The following WDR41 variants were observed in gnomAD, a reference collection of about 807,000 sequenced individuals.
The protein encoded by WDR41 is WD repeat domain 41, also known as WD repeat-containing protein 41.
In WDR41, 63 loss-of-function variants were observed where a neutral mutation model predicts 69.3. The ratio of observed to expected loss-of-function variants is 0.91; its 90% CI spans 0.74 to 1.12. WDR41 has a LOEUF of 1.12. Among genes scored for constraint, WDR41 ranks in the 50% most tolerant of loss-of-function variants. The pLI is 0.00. For missense variants in WDR41, 543 were observed against 534.5 expected, an observed-to-expected ratio of 1.02 and a Z score of -0.16; for synonymous variants, 185 against 192.1, an observed-to-expected ratio of 0.96 and a Z score of 0.31.
intron 2 of WDR41, among the ~76,000 whole-genome samples, chr5:77,482,508 C>A (rs1386367227): frequency 6.6e-6 from 1 of 151,634 alleles, no homozygotes; most frequent in East Asian, 1.9e-4. Flanking sequence ...GTCGAGTTCT[C>A]ACAGTCTGGG....
chr5:77,550,001 T>G (rs1743267856), intron 1 of WDR41, among the ~76,000 whole-genome samples: 1 of 152,042 alleles, frequency 6.6e-6, no homozygotes, highest in Admixed American at 6.6e-5. Flanking sequence ...GATAAAGGAC[T>G]GTATTCAGCA....
intron 4 of WDR41, among the ~76,000 whole-genome samples, chr5:77,461,472 T>C (rs919238727): frequency 2.6e-5 from 4 of 152,222 alleles, no homozygotes; most frequent in East Asian, 3.8e-4. Context: ...ACCTATACTT[T>C]TGGGCTTACT....
chr5:77,483,122 T>C (rs1467626194), intron 2 of WDR41, among the ~76,000 whole-genome samples: 1 of 152,148 alleles, frequency 6.6e-6, no homozygotes. Flanking sequence ...TCTGCTAAGA[T>C]GCTATATAAG....
chr5:77,559,074 T>C (rs1321514789), intron 1 of WDR41, among the ~76,000 whole-genome samples: 4 of 152,168 alleles, frequency 2.6e-5, no homozygotes, highest in African/African-American at 9.7e-5. Flanking sequence ...AACAGACACA[T>C]GTATTGAGTT....
intron 2 of WDR41, among the ~76,000 whole-genome samples, chr5:77,482,850 C>T (rs1581756474): frequency 6.7e-6 from 1 of 148,494 alleles, no homozygotes; most frequent in South Asian, 2.1e-4. Context: ...GTCCTCCCCA[C>T]ATCTACCTGA....
chr5:77,479,576 G>T (rs57631809), intron 2 of WDR41, among the ~76,000 whole-genome samples: 1 of 152,070 alleles, frequency 6.6e-6, no homozygotes, highest in Non-Finnish European at 1.5e-5. Context: ...ATGGGGAAAC[G>T]ATTCCCTATT....
At chr5:77,578,812 C>G (rs1743881018) in intron 1 of WDR41, among the ~76,000 whole-genome samples, 1 of 133,300 alleles carries the variant, frequency 7.5e-6, no homozygotes, top group African/African-American at 2.8e-5. Context: ...TGCAGTAAGC[C>G]AAGATCGCAC....
At chr5:77,582,388 G>A (rs548192366) in intron 1 of WDR41, 2 of 1,610,400 alleles carry the variant, frequency 1.2e-6, no homozygotes, top group East Asian at 2.2e-5. Flanking sequence ...GGAGGGTGTA[G>A]AAGAGAAGAA....
At chr5:77,521,347 A>G (rs1027120948) in intron 1 of WDR41, among the ~76,000 whole-genome samples, 6 of 152,348 alleles carry the variant, frequency 3.9e-5, no homozygotes, top group Non-Finnish European at 7.4e-5. Flanking sequence ...CTCAGGCAGT[A>G]ATGCCGGCTC....
intron 1 of WDR41, among the ~76,000 whole-genome samples, chr5:77,568,328 G>A (rs1022760668): frequency 1.3e-5 from 2 of 152,180 alleles, no homozygotes; most frequent in Non-Finnish European, 2.9e-5. Context: ...TTCAAGAACA[G>A]TTCCCCTTTG....
chr5:77,469,635 A>C (rs1277944223), intron 2 of WDR41, among the ~76,000 whole-genome samples: 3 of 152,188 alleles, frequency 2.0e-5, no homozygotes, highest in Admixed American at 2.0e-4. Flanking sequence ...TGAAGTCATT[A>C]TTACATTTAC....
At chr5:77,452,044 CATT>C (rs1417102359) in intron 6 of WDR41, 1 of 148,846 alleles carries the variant, frequency 6.7e-6, no homozygotes, top group Non-Finnish European at 1.5e-5. Flanking sequence ...TTAATTTTTC[CATT>C]ATGATATATA....
In WDR41 at chr5:77,489,552, T is replaced by C; in HGVS notation, c.72A>G (p.Ile24Met). 1 of 1,594,194 alleles carries C rather than the reference T, an allele frequency of 6.3e-7. No homozygotes were observed. Among genetic ancestry groups the C allele is most frequent in the Non-Finnish European group, 8.5e-7 (1 of 1,172,826 alleles). The change falls in exon 2 of 13, where the codon ATA becomes ATG. Residue 24 changes from isoleucine (I) to methionine (M), a missense_variant. Ile to Met is a conservative substitution (Grantham distance 10). Transcript: ENST00000296679. ...GLAEKSPLQT[I>M]GEEQTQNPYT... is the part of the protein sequence containing the mutation. ...AGGGATTCTGGGTTTGTTCTTCACC[T>C]ATTGTCTGTAAAGGAGATTTCTTGT...
At chr5:77,559,678 T>C (rs1423549575) in intron 1 of WDR41, among the ~76,000 whole-genome samples, 1 of 151,686 alleles carries the variant, frequency 6.6e-6, no homozygotes, top group African/African-American at 2.4e-5. Flanking sequence ...TAAAACTTTA[T>C]ATATAATGTT....
At chr5:77,567,922 A>G (rs550650215) in intron 1 of WDR41, among the ~76,000 whole-genome samples, 17 of 152,012 alleles carry the variant, frequency 1.1e-4, no homozygotes, top group African/African-American at 4.1e-4. Context: ...CACATGTTGA[A>G]AATCAGTGCC....
chr5:77,566,925 C>T (rs1743643717), intron 1 of WDR41, among the ~76,000 whole-genome samples: 1 of 152,112 alleles, frequency 6.6e-6, no homozygotes, highest in South Asian at 2.1e-4. Context: ...TGGAATGAGA[C>T]ACTTCTATCA....
chr5:77,544,114 T>C (rs1253616261), intron 1 of WDR41, among the ~76,000 whole-genome samples: 1 of 152,072 alleles, frequency 6.6e-6, no homozygotes, highest in East Asian at 1.9e-4. Context: ...AATTTGCCAC[T>C]ACCAGGCCAC....
chr5:77,510,336 A>G (rs749141880), intron 1 of WDR41, among the ~76,000 whole-genome samples: 3 of 152,194 alleles, frequency 2.0e-5, no homozygotes, highest in Non-Finnish European at 4.4e-5. Context: ...TGACTCAGTC[A>G]TCTCCCACCA....
chr5:77,480,730 C>T (rs1041454028), intron 2 of WDR41, among the ~76,000 whole-genome samples: 6 of 150,470 alleles, frequency 4.0e-5, no homozygotes, highest in South Asian at 4.2e-4. Context: ...TGCTAGATGA[C>T]GAGTTAGTGG....
Sources: gnomAD v4.1 joint callset for allele counts (sites outside exome capture counted in the v4.1 genomes callset) on GRCh38, gnomAD v4.1.1 for gene constraint, MANE v1.5 for transcripts, NCBI Gene and HGNC (gene_info 2026-07-23, HGNC 2026-07-21) for gene names.